Variants in TIAM1 observed in about 807,000 individuals in gnomAD.
The protein encoded by TIAM1 is rho guanine nucleotide exchange factor TIAM1.
A neutral mutation model predicts 163.5 loss-of-function variants in TIAM1; 65 were observed. The observed-to-expected ratio is 0.40, with a 90% CI of 0.33 to 0.49. The LOEUF (loss-of-function observed/expected upper bound fraction) is 0.49, where lower values mean the gene tolerates loss of function less well. Ranked by LOEUF, TIAM1 falls within the 20% of genes least tolerant of loss-of-function variation. TIAM1 has a pLI of 0.77. For missense variants in TIAM1, 1,789 were observed against 2,044.7 expected, an observed-to-expected ratio of 0.87 and a Z score of 2.41; for synonymous variants, 833 against 810.1, an observed-to-expected ratio of 1.03 and a Z score of -0.48.
At chr21:31,224,786 C>T (rs1236391826) in intron 7 of TIAM1, among the ~76,000 whole-genome samples, 1 of 152,070 alleles carries the variant, frequency 6.6e-6, no homozygotes, top group Non-Finnish European at 1.5e-5. Context: ...ATGTGGAAGG[C>T]CCATGTCAAT....
intron 1 of TIAM1, among the ~76,000 whole-genome samples, chr21:31,496,271 C>T (rs999795904): frequency 2.0e-5 from 3 of 152,116 alleles, no homozygotes; most frequent in Non-Finnish European, 4.4e-5. Flanking sequence ...AGGTGGATTA[C>T]TTGAGATCAG....
chr21:31,319,890 G>A (rs1478596611), intron 2 of TIAM1, among the ~76,000 whole-genome samples: 1 of 151,306 alleles, frequency 6.6e-6, no homozygotes, highest in African/African-American at 2.4e-5. Context: ...ATCTTTTCAT[G>A]TGCTAATTTG....
intron 2 of TIAM1, among the ~76,000 whole-genome samples, chr21:31,290,216 C>T (rs2073966185): frequency 6.6e-6 from 1 of 151,986 alleles, no homozygotes; most frequent in African/African-American, 2.4e-5. Flanking sequence ...CCTTTCATGC[C>T]CTGATGAATT....
At chr21:31,535,225 A>T (rs1489385060) in intron 1 of TIAM1, among the ~76,000 whole-genome samples, 1 of 151,790 alleles carries the variant, frequency 6.6e-6, no homozygotes, top group Non-Finnish European at 1.5e-5. Flanking sequence ...TACTAAAAAT[A>T]CAAAAATTAG....
chr21:31,246,086 C>T (rs1238858131), intron 5 of TIAM1, among the ~76,000 whole-genome samples: 1 of 152,168 alleles, frequency 6.6e-6, no homozygotes. Context: ...GTATGATATG[C>T]AACCAGAAAA....
intron 2 of TIAM1, among the ~76,000 whole-genome samples, chr21:31,449,481 C>T (rs1275896709): frequency 4.6e-5 from 7 of 152,022 alleles, no homozygotes; most frequent in African/African-American, 7.2e-5. Context: ...CAGGTTCAAG[C>T]GATTCTCCTG....
At chr21:31,466,401 C>T (rs1005562518) in intron 1 of TIAM1, among the ~76,000 whole-genome samples, 1 of 148,174 alleles carries the variant, frequency 6.7e-6, no homozygotes, top group African/African-American at 2.5e-5. Flanking sequence ...ATCAGATATC[C>T]AGAATAAAGG....
chr21:31,262,101 A>G (rs1249904697), intron 4 of TIAM1, among the ~76,000 whole-genome samples: 1 of 152,226 alleles, frequency 6.6e-6, no homozygotes, highest in Non-Finnish European at 1.5e-5. Flanking sequence ...GGAGAGCAGA[A>G]CCCTAGAACA....
chr21:31,439,858 AG>A (rs1382194818), intron 2 of TIAM1, among the ~76,000 whole-genome samples: 2 of 152,114 alleles, frequency 1.3e-5, no homozygotes, highest in Admixed American at 6.5e-5. Context: ...TTTAAAAAAG[AG>A]GGAGGGGTCT....
intron 9 of TIAM1, among the ~76,000 whole-genome samples, chr21:31,214,512 A>G (rs1252205002): frequency 6.6e-6 from 1 of 152,164 alleles, no homozygotes; most frequent in Admixed American, 6.5e-5. Context: ...CTTAAGTAGA[A>G]TGTGAGAATA....
chr21:31,451,888 T>C (rs1012753813), intron 2 of TIAM1, among the ~76,000 whole-genome samples: 5 of 151,968 alleles, frequency 3.3e-5, no homozygotes, highest in African/African-American at 1.2e-4. Context: ...AGTGCAAGGA[T>C]ACTGAAAATG....
intron 27 of TIAM1, among the ~76,000 whole-genome samples, chr21:31,122,387 A>G (rs776843241): frequency 6.6e-6 from 1 of 152,154 alleles, no homozygotes; most frequent in Non-Finnish European, 1.5e-5. Flanking sequence ...CATTAGAACT[A>G]CCCCAACTCA....
intron 2 of TIAM1, among the ~76,000 whole-genome samples, chr21:31,357,026 T>A (rs1181551959): frequency 6.7e-6 from 1 of 150,028 alleles, no homozygotes; most frequent in East Asian, 2.0e-4. Context: ...CTGTCATTAA[T>A]TTCCCTCCCT....
At chr21:31,298,091 G>GT (rs2074359466) in intron 2 of TIAM1, among the ~76,000 whole-genome samples, 1 of 152,192 alleles carries the variant, frequency 6.6e-6, no homozygotes, top group Non-Finnish European at 1.5e-5. Context: ...CCATTTCTGT[G>GT]TAAGTGGCCT....
intron 12 of TIAM1, among the ~76,000 whole-genome samples, chr21:31,198,341 G>A (rs1244996533): frequency 6.6e-6 from 1 of 152,172 alleles, no homozygotes; most frequent in African/African-American, 2.4e-5. Context: ...GTGGGGGATA[G>A]GAACGTGGAC....
chr21:31,551,234 A>C (rs1253041314), intron 1 of TIAM1, among the ~76,000 whole-genome samples: 3 of 151,172 alleles, frequency 2.0e-5, no homozygotes, highest in African/African-American at 7.3e-5. Flanking sequence ...CAAAAACAAG[A>C]ATAAAAGAAA....
chr21:31,532,356 C>T (rs965862327), intron 1 of TIAM1, among the ~76,000 whole-genome samples: 2 of 152,184 alleles, frequency 1.3e-5, no homozygotes, highest in Non-Finnish European at 2.9e-5. Flanking sequence ...CACACAAAAT[C>T]TCTTCTTGAT....
At position 31,442,070 on chromosome 21, in the gene TIAM1, A is replaced by AAT. The variant is rs138822110; in HGVS notation, c.-369+21911_-369+21912dup. Among the ~76,000 whole-genome samples the AAT allele has an allele frequency of 4.7e-3, 252 of 53,224 alleles. 57 individuals are homozygous for AAT. Among genetic ancestry groups the AAT allele is most frequent in the East Asian group, 0.024 (40 of 1,636 alleles). 34.9% of individuals were successfully genotyped at this position (53,224 alleles called of 152,430 possible). On this transcript the variant is annotated intron_variant, in intron 2 of 28. Coordinates refer to the TIAM1 transcript ENST00000286827. ...GACCCTATCTCAGAACAAATAAATA[A>AAT]ATATATATATATATATAGAACAATA...
chr21:31,430,225 A>AATATATATATATAT (rs35708801), intron 2 of TIAM1, among the ~76,000 whole-genome samples: 3 of 90,276 alleles, frequency 3.3e-5, no homozygotes, highest in African/African-American at 1.7e-4. Context: ...AAAAAAAAAA[A>AATATATATATATAT]ATATATATAT....
Sources: gnomAD v4.1 joint callset for allele counts (sites outside exome capture counted in the v4.1 genomes callset) on GRCh38, gnomAD v4.1.1 for gene constraint, MANE v1.5 for transcripts, NCBI Gene and HGNC (gene_info 2026-07-23, HGNC 2026-07-21) for gene names.